The following TNFAIP8L3 variants were observed in gnomAD, a reference collection of about 807,000 sequenced individuals.
TNFAIP8L3 encodes TNF alpha induced protein 8 like 3.
Under a neutral mutation model 11.8 loss-of-function variants are expected in TNFAIP8L3, and 7 were observed. The observed-to-expected ratio is 0.59, with a 90% confidence interval of 0.34 to 1.11. The LOEUF (loss-of-function observed/expected upper bound fraction) is 1.11, where lower values mean the gene tolerates loss of function less well. Among genes scored for constraint, TNFAIP8L3 ranks in the 50% most tolerant of loss-of-function variants. The pLI, the probability that TNFAIP8L3 is intolerant of heterozygous loss-of-function variation, is 0.03. For synonymous variants in TNFAIP8L3, 98 were observed against 103.8 expected (o/e 0.94, Z 0.34); for missense variants, 219 against 258.6 (o/e 0.85, Z 1.05).
chr15:51,086,466 G>A (rs1396570897), intron 1 of TNFAIP8L3, among the ~76,000 whole-genome samples: 1 of 152,224 alleles, frequency 6.6e-6, no homozygotes, highest in African/African-American at 2.4e-5. Context: ...CTAACAGAGG[G>A]AGCCTAAGGG....
At chr15:51,082,002 G>A (rs2065395577) in intron 1 of TNFAIP8L3, among the ~76,000 whole-genome samples, 1 of 151,348 alleles carries the variant, frequency 6.6e-6, no homozygotes. Flanking sequence ...CACTAAATAA[G>A]GGAACTTTCC....
intron 1 of TNFAIP8L3, among the ~76,000 whole-genome samples, chr15:51,088,780 G>T (rs926908476): frequency 6.6e-6 from 1 of 152,230 alleles, no homozygotes; most frequent in Admixed American, 6.5e-5. Context: ...GCCACCTGTG[G>T]TGACCACTGC....
At chr15:51,075,719 T>G (rs1370057881) in intron 1 of TNFAIP8L3, among the ~76,000 whole-genome samples, 1 of 152,246 alleles carries the variant, frequency 6.6e-6, no homozygotes, top group Non-Finnish European at 1.5e-5. Flanking sequence ...CTGTAATTTT[T>G]GGAGGATGGA....
intron 1 of TNFAIP8L3, among the ~76,000 whole-genome samples, chr15:51,065,827 T>A (rs887698091): frequency 6.6e-6 from 1 of 152,216 alleles, no homozygotes; most frequent in Admixed American, 6.5e-5. Flanking sequence ...TTTCTCTAAA[T>A]AGCTTGAGAT....
intron 1 of TNFAIP8L3, among the ~76,000 whole-genome samples, chr15:51,092,495 G>A (rs930068168): frequency 3.3e-5 from 5 of 152,244 alleles, no homozygotes; most frequent in South Asian, 2.1e-4. Flanking sequence ...AATATAATGC[G>A]TGAGACTGAC....
upstream of TNFAIP8L3, among the ~76,000 whole-genome samples, chr15:51,099,458 GAGAA>G (rs1309020565): frequency 1.3e-5 from 2 of 152,134 alleles, no homozygotes; most frequent in South Asian, 2.1e-4. Context: ...AAAGGGAGAA[GAGAA>G]AGAGAGAGAG....
chr15:51,071,815 C>T (rs1268025174), intron 1 of TNFAIP8L3, among the ~76,000 whole-genome samples: 1 of 152,202 alleles, frequency 6.6e-6, no homozygotes, highest in Non-Finnish European at 1.5e-5. Context: ...CCTGTGGTTG[C>T]ACTTCCTCAT....
chr15:51,061,490 T>C (rs1442240647), intron 1 of TNFAIP8L3, among the ~76,000 whole-genome samples: 1 of 152,250 alleles, frequency 6.6e-6, no homozygotes, highest in Non-Finnish European at 1.5e-5. Flanking sequence ...GTACCGTTGT[T>C]ATATAATACC....
Position 51,094,167 on chromosome 15 carries a change from C to A in TNFAIP8L3, c.52+377G>T, listed in dbSNP as rs1031784256. ...CCTGCGCCGCAGCGCAGTCCCGGCG[C>A]CCCAGGTTCGAGGACCCGGCCCGCG... On this transcript the variant is annotated intron_variant, in intron 1 of 1. Coordinates refer to ENST00000637513, the MANE Select transcript of TNFAIP8L3 (RefSeq NM_001311175.2). The surrounding 1 kb of genome is among the most constrained non-coding windows in gnomAD (Gnocchi z 4.4). 6.6e-6 allele frequency among the ~76,000 whole-genome samples: 1 copy of A among 152,218 alleles called. No homozygotes were observed. The highest frequency in any genetic ancestry group is 1.5e-5 in the Non-Finnish European group (1 of 68,042).
intron 1 of TNFAIP8L3, among the ~76,000 whole-genome samples, chr15:51,065,686 C>T (rs2065266275): frequency 6.6e-6 from 1 of 152,168 alleles, no homozygotes; most frequent in Admixed American, 6.5e-5. Context: ...CTATTCTCCC[C>T]TCTTTTTCAC....
chr15:51,087,616 GTTTAAAGC>G (rs1249636595), intron 1 of TNFAIP8L3, among the ~76,000 whole-genome samples: 1 of 152,088 alleles, frequency 6.6e-6, no homozygotes, highest in Non-Finnish European at 1.5e-5. Context: ...TTTTTCAATA[GTTTAAAGC>G]AATATTGGAC....
intron 1 of TNFAIP8L3, among the ~76,000 whole-genome samples, chr15:51,065,498 A>C (rs1233228139): frequency 1.3e-5 from 2 of 152,244 alleles, no homozygotes; most frequent in Non-Finnish European, 2.9e-5. Flanking sequence ...GATCTTTACC[A>C]AGCTGGGTGA....
chr15:51,063,483 G>T (rs2065252581), intron 1 of TNFAIP8L3, among the ~76,000 whole-genome samples: 1 of 152,192 alleles, frequency 6.6e-6, no homozygotes, highest in Admixed American at 6.5e-5. Context: ...AGTGGAGGAA[G>T]ATTATACCAT....
chr15:51,067,366 C>A (rs2065278351), intron 1 of TNFAIP8L3, among the ~76,000 whole-genome samples: 1 of 152,084 alleles, frequency 6.6e-6, no homozygotes, highest in Non-Finnish European at 1.5e-5. Flanking sequence ...TGAGGTCTCC[C>A]AAATTTCCAC....
At chr15:51,068,672 TTTTTTTTTTTG>T (rs2065288211) in intron 1 of TNFAIP8L3, among the ~76,000 whole-genome samples, 1 of 148,112 alleles carries the variant, frequency 6.8e-6, no homozygotes, top group African/African-American at 2.5e-5. Flanking sequence ...TTTTTTTTTT[TTTTTTTTTTTG>T]CAAGACAGAG....
intron 1 of TNFAIP8L3, among the ~76,000 whole-genome samples, chr15:51,085,757 C>T (rs2065422984): frequency 1.3e-5 from 2 of 151,882 alleles, no homozygotes; most frequent in South Asian, 4.1e-4. Flanking sequence ...ATTTCAGAAA[C>T]AGGACTCTCA....
rs1217351162 is a variant in TNFAIP8L3, at chr15:51,072,989, CCTTTTTTTT to C, written c.53-14555_53-14547del. ...ATGTTGATCTGAAGTAAACTGGGAT[CCTTTTTTTT>C]TTTTTTTTTTTTTTTGAGACAGAGT... On this transcript the variant is annotated intron_variant, in intron 1 of 1. Transcript: ENST00000637513. 1.3e-4 allele frequency among the ~76,000 whole-genome samples: 6 copies of C among 45,754 alleles called. No homozygotes were observed. The East Asian group carries it at 2.1e-3, about 16-fold the overall frequency. The allele number at this position is 45,754 out of a possible 152,430, so 30.0% of individuals were successfully genotyped here.
intron 1 of TNFAIP8L3, among the ~76,000 whole-genome samples, chr15:51,066,960 G>A (rs998414013): frequency 2.0e-5 from 3 of 152,160 alleles, no homozygotes; most frequent in Non-Finnish European, 4.4e-5. Context: ...AGAACATGGA[G>A]CTGGAGGAGG....
At position 51,067,119 on chromosome 15, in the gene TNFAIP8L3, C is replaced by T. The variant is rs552904485; in HGVS notation, c.53-8676G>A. ...CTTTATTGGTCCAATTCCTTTCATACGTGAGAGAGGGTGGCACTTCTGAGG... is the reference window on the plus strand; with the variant it reads ...CTTTATTGGTCCAATTCCTTTCATATGTGAGAGAGGGTGGCACTTCTGAGG... On this transcript the variant is annotated intron_variant, in intron 1 of 1. Transcript: ENST00000637513. Among the ~76,000 whole-genome samples the T allele has an allele frequency of 1.1e-4, 16 of 152,226 alleles. No individual in the cohort carries two copies. The South Asian group carries it at 2.3e-3, about 22-fold the overall frequency.
Sources: gnomAD v4.1 joint callset for allele counts (sites outside exome capture counted in the v4.1 genomes callset) on GRCh38, gnomAD v4.1.1 for gene constraint, Gnocchi (gnomAD v3.1) non-coding constraint, MANE v1.5 for transcripts, NCBI Gene and HGNC (gene_info 2026-07-23, HGNC 2026-07-21) for gene names.